EVL: variants seen among roughly 807,000 people sequenced by gnomAD.
EVL encodes the protein ena/VASP-like protein.
A neutral mutation model predicts 59.6 loss-of-function variants in EVL; 21 were observed. The observed-to-expected ratio is 0.35, with a 90% CI of 0.25 to 0.51. The LOEUF is 0.51. EVL is among the 20% of genes least tolerant of loss of function. The pLI, the probability that EVL is intolerant of heterozygous loss-of-function variation, is 0.97. For missense variants in EVL, 462 were observed against 546.6 expected (o/e 0.85, Z 1.54); for synonymous variants, 198 against 203.5 (o/e 0.97, Z 0.23).
chr14:100,097,438 AT>A, intron 2 of EVL, 42 bp from the exon 3 acceptor site: 2 of 1,559,868 alleles, frequency 1.3e-6, no homozygotes, highest in Non-Finnish European at 1.7e-6. Context: ...GCTCACTTAC[AT>A]TTTATTTATT....
chr14:100,077,656 A>G (rs2062192665), intron 1 of EVL, among the ~76,000 whole-genome samples: 2 of 152,194 alleles, frequency 1.3e-5, no homozygotes, highest in Non-Finnish European at 2.9e-5. Context: ...AACGTGTGTT[A>G]CAGTAGAGAC....
At chr14:100,133,783 C>CA in intron 8 of EVL, among the ~76,000 whole-genome samples, 1 of 152,242 alleles carries the variant, frequency 6.6e-6, no homozygotes, top group South Asian at 2.1e-4. Flanking sequence ...ACTAAAAATA[C>CA]AAAATTAGCG....
intron 1 of EVL, among the ~76,000 whole-genome samples, chr14:99,988,018 G>T (rs1015803995): frequency 1.4e-5 from 2 of 146,692 alleles, no homozygotes; most frequent in Non-Finnish European, 3.0e-5. Flanking sequence ...GAGTTCAAGT[G>T]ATTCTCCTGC....
chr14:100,131,614 G>A (rs1009061364), intron 7 of EVL, among the ~76,000 whole-genome samples: 34 of 152,220 alleles, frequency 2.2e-4, no homozygotes, highest in Non-Finnish European at 2.5e-4. Context: ...CTTGGTCAGC[G>A]TTCTGTTTCT....
intron 1 of EVL, among the ~76,000 whole-genome samples, chr14:100,000,772 TTTTGCTTAGTGAA>T (rs2060941593): frequency 1.3e-5 from 2 of 152,166 alleles, no homozygotes; most frequent in African/African-American, 4.8e-5. Context: ...GACTTTTCCC[TTTTGCTTAGTGAA>T]TTTGGGGCCC....
chr14:100,126,014 G>A (rs77811913), intron 4 of EVL, among the ~76,000 whole-genome samples: 7,739 of 152,270 alleles, frequency 0.051, 274 homozygotes, highest in Non-Finnish European at 0.074. Context: ...AGCTCTTGAT[G>A]CTGTCTGTGG....
intron 1 of EVL, among the ~76,000 whole-genome samples, chr14:100,028,134 G>GTTTGTTT (rs1406304631): frequency 4.2e-5 from 5 of 118,738 alleles, no homozygotes; most frequent in Non-Finnish European, 6.7e-5. Flanking sequence ...TTGTTTGTTT[G>GTTTGTTT]TTTTTTTTTT....
intron 1 of EVL, among the ~76,000 whole-genome samples, chr14:100,044,020 C>T (rs947571539): frequency 6.6e-5 from 10 of 152,112 alleles, no homozygotes; most frequent in Admixed American, 5.9e-4. Flanking sequence ...GTAGGTCTTC[C>T]CTACTCAGTC....
chr14:100,053,477 G>A (rs1430223763), intron 1 of EVL, among the ~76,000 whole-genome samples: 2 of 151,708 alleles, frequency 1.3e-5, no homozygotes, highest in African/African-American at 4.8e-5. Flanking sequence ...TACTCTTACT[G>A]CCTTCTGTTC....
intron 1 of EVL, among the ~76,000 whole-genome samples, chr14:100,036,709 T>G (rs1222857935): frequency 1.3e-5 from 2 of 152,186 alleles, no homozygotes; most frequent in African/African-American, 2.4e-5. Context: ...ACCATCCCAG[T>G]CATCTTCAAA....
rs538809469 is a variant in EVL at position 100,108,391 on chromosome 14, A to G, written c.358+10733A>G. Among the ~76,000 whole-genome samples the G allele has an allele frequency of 2.9e-3, 437 of 152,262 alleles. 2 individuals carry two copies. Among genetic ancestry groups the G allele is most frequent in the African/African-American group, 0.01 (425 of 41,542 alleles). ...CTTCATCTCCCTGGCTGCCGAGGCC[A>G]TTTGACACCTTGTGCCACCTGAGAG... On this transcript the variant is annotated intron_variant, in intron 3 of 13. Coordinates refer to ENST00000392920, the MANE Select transcript of EVL (RefSeq NM_016337.3). This position sits in a 1 kb window ranked among gnomAD's most constrained non-coding sequence, Gnocchi z 4.1.
intron 1 of EVL, among the ~76,000 whole-genome samples, chr14:100,010,291 G>A (rs1376053115): frequency 6.6e-6 from 1 of 152,194 alleles, no homozygotes; most frequent in Non-Finnish European, 1.5e-5. Context: ...AAACCCATCT[G>A]ATGAGAATTT....
chr14:100,032,687 T>C (rs1319455432), intron 1 of EVL, among the ~76,000 whole-genome samples: 1 of 152,176 alleles, frequency 6.6e-6, no homozygotes, highest in Non-Finnish European at 1.5e-5. Context: ...TGAAATCCTC[T>C]AAAACCCAGC....
rs1360794893 is a variant in EVL at position 100,135,914 on chromosome 14, AGT to A, written c.911_912del (p.Ser304AsnfsTer15). 6.2e-7 allele frequency: 1 copy of A among 1,613,968 alleles called. No homozygotes were observed. Among genetic ancestry groups the A allele is most frequent in the Non-Finnish European group, 8.5e-7 (1 of 1,179,992 alleles). ...KEDESQMEDP[S>X]TSPSPGTRAA... ...TTCTTCTCCATTTTAGGAAGATCCT[AGT>A]ACCTCCCCCTCTCCGGGGACCCGAG... On this transcript the variant is annotated frameshift_variant, in exon 9 of 14. Coordinates refer to ENST00000392920, the MANE Select transcript of EVL (RefSeq NM_016337.3). LOFTEE classifies it high-confidence loss of function.
chr14:100,059,267 A>G (rs1275982339), intron 1 of EVL, among the ~76,000 whole-genome samples: 2 of 152,244 alleles, frequency 1.3e-5, no homozygotes, highest in Non-Finnish European at 2.9e-5. Flanking sequence ...TTGAGAGAAG[A>G]AACACCATGA....
intron 3 of EVL, among the ~76,000 whole-genome samples, chr14:100,120,360 C>T (rs559438294): frequency 6.6e-5 from 10 of 152,172 alleles, no homozygotes; most frequent in African/African-American, 2.2e-4. Context: ...AGGCTATGAG[C>T]GTGGAGTGCG....
At chr14:100,040,194 C>T (rs2061447179) in intron 1 of EVL, among the ~76,000 whole-genome samples, 1 of 152,212 alleles carries the variant, frequency 6.6e-6, no homozygotes, top group African/African-American at 2.4e-5. Context: ...CTTTGCTGCC[C>T]TTACTACAGA....
chr14:100,008,084 A>G (rs2060994844), intron 1 of EVL, among the ~76,000 whole-genome samples: 1 of 152,170 alleles, frequency 6.6e-6, no homozygotes, highest in African/African-American at 2.4e-5. Context: ...AATCATCCCC[A>G]GTTGAGAACT....
chr14:100,102,302 A>G (rs1886271641), intron 3 of EVL: 4 of 455,908 alleles, frequency 8.8e-6, no homozygotes, highest in African/African-American at 4.0e-5. Context: ...CCCTCTCCCC[A>G]GGTGCGTGCA....
Sources: allele counts gnomAD v4.1 joint callset (sites outside exome capture counted in the v4.1 genomes callset), GRCh38; gene constraint gnomAD v4.1.1; non-coding constraint Gnocchi (gnomAD v3.1); transcripts MANE v1.5; gene names NCBI Gene and HGNC (gene_info 2026-07-23, HGNC 2026-07-21).